The following IDH3A variants were observed in gnomAD, a reference collection of about 807,000 sequenced individuals.
IDH3A encodes the protein isocitrate dehydrogenase [NAD] subunit alpha, mitochondrial.
A neutral mutation model predicts 43.3 loss-of-function variants in IDH3A; 23 were observed. The observed-to-expected ratio is 0.53, with a 90% CI of 0.38 to 0.75. IDH3A has a LOEUF of 0.75. IDH3A is among the 30% of genes least tolerant of loss of function. The probability of loss-of-function intolerance (pLI) is 0.00; values close to 1 mark genes in which losing one functional copy is unlikely to be tolerated. For missense variants in IDH3A, 329 were observed against 474.4 expected, an observed-to-expected ratio of 0.69 and a Z score of 2.85; for synonymous variants, 154 against 163.5, an observed-to-expected ratio of 0.94 and a Z score of 0.44.
At chr15:78,154,366 G>A (rs749231215) in intron 1 of IDH3A, 1 of 152,062 alleles carries the variant, frequency 6.6e-6, no homozygotes, top group African/African-American at 2.4e-5. Context: ...TGTATGGCAT[G>A]GGCATCAGAT....
intron 5 of IDH3A, 100 bp from the exon 6 acceptor site, chr15:78,162,134 G>A (rs1567071250): frequency 7.9e-7 from 1 of 1,259,266 alleles, no homozygotes; most frequent in East Asian, 2.3e-5. Context: ...CTGGCACTGT[G>A]CAGGCCTGCC....
intron 10 of IDH3A, chr15:78,167,748 G>A (rs1461297015): frequency 6.6e-6 from 1 of 152,076 alleles, no homozygotes; most frequent in Non-Finnish European, 1.5e-5. Flanking sequence ...CATGTAAGTG[G>A]AATCATACAG....
intron 1 of IDH3A, among the ~76,000 whole-genome samples, chr15:78,153,088 T>C (rs971428615): frequency 1.3e-5 from 2 of 152,000 alleles, no homozygotes; most frequent in African/African-American, 4.8e-5. Context: ...GTTGTTTGAG[T>C]CGGGTCTTTT....
At chr15:78,167,723 C>T (rs1339736332) in intron 10 of IDH3A, 1 of 152,226 alleles carries the variant, frequency 6.6e-6, no homozygotes, top group African/African-American at 2.4e-5. Context: ...ATGAATTTGA[C>T]TACTCTAGGT....
At chr15:78,153,827 G>A (rs62009334) in intron 1 of IDH3A, among the ~76,000 whole-genome samples, 3 of 151,950 alleles carry the variant, frequency 2.0e-5, no homozygotes, top group Non-Finnish European at 2.9e-5. Flanking sequence ...GAGACCAGCC[G>A]GGCCAACATG....
At chr15:78,158,882 G>C (rs1257409077) in intron 3 of IDH3A, among the ~76,000 whole-genome samples, 1 of 151,426 alleles carries the variant, frequency 6.6e-6, no homozygotes, top group African/African-American at 2.4e-5. Flanking sequence ...GCACAGGCTG[G>C]AGTGCAATGG....
intron 3 of IDH3A, among the ~76,000 whole-genome samples, chr15:78,158,758 A>G (rs767986358): frequency 4.6e-5 from 7 of 150,672 alleles, no homozygotes; most frequent in Non-Finnish European, 8.9e-5. Context: ...GCCTATATAT[A>G]TATTTTAAAC....
At chr15:78,166,324 T>C (rs1472606409) in intron 10 of IDH3A, 22 bp downstream of exon 10, 1 of 1,611,734 alleles carries the variant, frequency 6.2e-7, no homozygotes, top group Non-Finnish European at 8.5e-7. Context: ...CTTGATTTAC[T>C]TGTGCTGGGT....
intron 1 of IDH3A, among the ~76,000 whole-genome samples, chr15:78,152,229 T>C (rs963716525): frequency 2.6e-5 from 4 of 151,500 alleles, no homozygotes; most frequent in Admixed American, 1.3e-4. Flanking sequence ...CAGCTGATTT[T>C]TGTATTTTTA....
chr15:78,149,554 G>C, intron 1 of IDH3A, 124 bp downstream of exon 1: 1 of 777,632 alleles, frequency 1.3e-6, no homozygotes. Flanking sequence ...TGCCCGCGGG[G>C]ACAGCTTGGG....
chr15:78,154,010 CA>C (rs78387196), intron 1 of IDH3A, among the ~76,000 whole-genome samples: 129 of 142,124 alleles, frequency 9.1e-4, no homozygotes, highest in Admixed American at 3.6e-3. Flanking sequence ...AACTCTGTCT[CA>C]AAAAAAAAAA....
intron 1 of IDH3A, among the ~76,000 whole-genome samples, chr15:78,150,064 G>A (rs1030274475): frequency 6.6e-6 from 1 of 152,208 alleles, no homozygotes. Context: ...CTTACACCTC[G>A]GAATTACCGT....
intron 1 of IDH3A, 53 bp downstream of exon 1, chr15:78,149,483 A>T: frequency 6.8e-7 from 1 of 1,468,898 alleles, no homozygotes; most frequent in Non-Finnish European, 9.1e-7. Flanking sequence ...GAGGGCTGGC[A>T]GGAGAGCCGG....
In IDH3A at chr15:78,158,463, ATT is replaced by A. The variant is rs67298643; in HGVS notation, c.174+861_174+862del. Among the ~76,000 whole-genome samples the A allele has an allele frequency of 2.4e-3, 160 of 67,244 alleles. 1 individual carries two copies. The highest frequency in any genetic ancestry group is 8.1e-3 in the African/African-American group (147 of 18,228). 44.1% of individuals were successfully genotyped at this position (67,244 alleles called of 152,430 possible). ...TACATACATACATATATATATATAT[ATT>A]TTTTTTTTTTTTTTTTTTTTTTTTT... On this transcript the variant is annotated intron_variant, in intron 3 of 10. Transcript: ENST00000299518.
chr15:78,156,354 C>A (rs1359904798), intron 2 of IDH3A, among the ~76,000 whole-genome samples: 1 of 151,996 alleles, frequency 6.6e-6, no homozygotes, highest in Non-Finnish European at 1.5e-5. Context: ...CTGGTATGAG[C>A]CTTAGCCCTG....
chr15:78,168,397 G>A (rs1446211708), intron 10 of IDH3A: 1 of 152,166 alleles, frequency 6.6e-6, no homozygotes, highest in African/African-American at 2.4e-5. Context: ...GCTGAGGCAG[G>A]AGAATCGCTT....
chr15:78,168,813 A>C (rs2074783659), intron 10 of IDH3A, 109 bp from the exon 11 acceptor site: 1 of 679,620 alleles, frequency 1.5e-6, no homozygotes, highest in African/African-American at 1.8e-5. Flanking sequence ...TAAATGAAAG[A>C]GCAGCCGAGT....
rs945703463 is a variant in IDH3A, at chr15:78,171,284, C to T, written c.*2279C>T. The T allele has an allele frequency of 7.3e-6, 4 of 547,460 alleles. No individual in the cohort carries two copies. Among genetic ancestry groups the T allele is most frequent in the South Asian group, 2.6e-5 (1 of 38,826 alleles). 33.9% of individuals were successfully genotyped at this position (547,460 alleles called of 1,614,324 possible). ...TCTTGGAATTGTCAGCTATTGTTGG[C>T]GTAAGACCTGGTAAATGTAGAGCCA... On this transcript the variant is annotated 3_prime_UTR_variant, in exon 11 of 11. Coordinates refer to ENST00000299518, the MANE Select transcript of IDH3A (RefSeq NM_005530.3).
At chr15:78,157,427 T>A in intron 2 of IDH3A, 121 bp from the exon 3 acceptor site, 2 of 721,112 alleles carry the variant, frequency 2.8e-6, no homozygotes, top group Non-Finnish European at 4.5e-6. Context: ...TTTGTTTTCT[T>A]AACAGCATTT....
Sources: allele counts gnomAD v4.1 joint callset (sites outside exome capture counted in the v4.1 genomes callset), GRCh38; gene constraint gnomAD v4.1.1; transcripts MANE v1.5; gene names NCBI Gene and HGNC (gene_info 2026-07-23, HGNC 2026-07-21).